TBC1D1: variants seen among roughly 807,000 people sequenced by gnomAD.
The protein encoded by TBC1D1 is TBC1 (tre-2/USP6, BUB2, cdc16) domain family, member 1.
Under a neutral mutation model 125.6 loss-of-function variants are expected in TBC1D1, and 89 were observed. The observed-to-expected ratio is 0.71, with a 90% CI of 0.60 to 0.85. The LOEUF is 0.85. TBC1D1 is among the 40% of genes least tolerant of loss of function. TBC1D1 has a pLI of 0.00. For missense variants in TBC1D1, 1,377 were observed against 1,469.2 expected, an observed-to-expected ratio of 0.94 and a Z score of 1.03; for synonymous variants, 565 against 564.1, an observed-to-expected ratio of 1.00 and a Z score of -0.02.
intron 2 of TBC1D1, among the ~76,000 whole-genome samples, chr4:38,008,046 A>C (rs1740705564): frequency 6.6e-6 from 1 of 152,234 alleles, no homozygotes; most frequent in Non-Finnish European, 1.5e-5. Context: ...CAGGGCTTGA[A>C]AATACTGGCC....
At chr4:38,087,443 A>G (rs1384800261) in intron 12 of TBC1D1, among the ~76,000 whole-genome samples, 1 of 152,184 alleles carries the variant, frequency 6.6e-6, no homozygotes, top group East Asian at 1.9e-4. Flanking sequence ...CACAGTAGGA[A>G]TTTTCAAGAC....
chr4:37,952,432 G>A (rs1235197210), intron 2 of TBC1D1: 1 of 237,060 alleles, frequency 4.2e-6, no homozygotes, highest in African/African-American at 2.3e-5. Flanking sequence ...TACACACCAT[G>A]GAATACTATG....
chr4:38,014,668 A>G lies in TBC1D1; in HGVS notation c.577A>G (p.Ile193Val), dbSNP rs147361950. 2.5e-6 allele frequency: 4 copies of G among 1,613,074 alleles called. No individual in the cohort carries two copies. Among genetic ancestry groups the G allele is most frequent in the African/African-American group, 1.3e-5 (1 of 74,908 alleles). The stretch of plus-strand genomic sequence containing the variant: ...GCACAAGAAGGCTCCGCCGGCCCTG[A>G]TCGACGAGTGCATCGAGAAGTTCAA... Residue 193 changes from isoleucine to valine, a missense_variant, in exon 3 of 20, where the codon ATC becomes GTC. Physicochemically the swap from Ile to Val is conservative, Grantham distance 29. Around this residue, in one of 3 missense-constraint regions of TBC1D1, gnomAD observed 822 missense variants for 824.6 expected, o/e 1.00. Coordinates refer to ENST00000261439, the MANE Select transcript of TBC1D1 (RefSeq NM_015173.4). The surrounding 1 kb of genome is among the most constrained non-coding windows in gnomAD (Gnocchi z 5.1).
intron 14 of TBC1D1, among the ~76,000 whole-genome samples, chr4:38,100,727 G>A (rs928464636): frequency 4.6e-5 from 7 of 152,036 alleles, no homozygotes; most frequent in African/African-American, 1.4e-4. Context: ...AAAATGATAC[G>A]TGAAAGGGAA....
At chr4:38,043,306 A>T (rs1316324661) in intron 8 of TBC1D1, among the ~76,000 whole-genome samples, 5 of 151,744 alleles carry the variant, frequency 3.3e-5, no homozygotes, top group Admixed American at 3.3e-4. Flanking sequence ...TAAAAAAAAA[A>T]TGTACCTTCG....
At chr4:38,106,754 CTT>C (rs961175571) in intron 15 of TBC1D1, among the ~76,000 whole-genome samples, 7 of 152,174 alleles carry the variant, frequency 4.6e-5, no homozygotes, top group African/African-American at 1.7e-4. Context: ...GATGTCATCA[CTT>C]TTCTGCAGAG....
chr4:37,956,364 C>T (rs1728932643), intron 2 of TBC1D1, among the ~76,000 whole-genome samples: 2 of 152,070 alleles, frequency 1.3e-5, no homozygotes, highest in Admixed American at 6.6e-5. Flanking sequence ...TTGTTTCATT[C>T]GTTGTCTGAC....
chr4:38,044,994 T>C (rs948906434), intron 9 of TBC1D1, among the ~76,000 whole-genome samples: 16 of 152,336 alleles, frequency 1.1e-4, no homozygotes, highest in Middle Eastern at 3.4e-3. Flanking sequence ...TAAGGCTTCT[T>C]TTTTGCAGAC....
At chr4:37,909,251 C>G (rs1041132931) in intron 2 of TBC1D1, among the ~76,000 whole-genome samples, 5 of 152,176 alleles carry the variant, frequency 3.3e-5, no homozygotes, top group African/African-American at 1.2e-4. Flanking sequence ...CAGTCTGAAG[C>G]TGTTTTCTTG....
intron 2 of TBC1D1, among the ~76,000 whole-genome samples, chr4:37,986,231 G>T (rs925490729): frequency 1.3e-5 from 2 of 152,068 alleles, no homozygotes; most frequent in Non-Finnish European, 2.9e-5. Flanking sequence ...TTCTACATGG[G>T]GAACTGACAC....
chr4:38,035,784 TGATACC>T, intron 8 of TBC1D1, 86 bp downstream of exon 8: 1 of 972,556 alleles, frequency 1.0e-6, no homozygotes, highest in Non-Finnish European at 1.6e-6. Flanking sequence ...TCTGAAACTC[TGATACC>T]TTTTTTTCTC....
intron 18 of TBC1D1, among the ~76,000 whole-genome samples, chr4:38,127,514 C>T (rs1221455329): frequency 6.6e-6 from 1 of 151,586 alleles, no homozygotes. Flanking sequence ...TTCCTGAGTA[C>T]CTGGGACTAT....
chr4:37,966,510 A>G (rs895230127), intron 2 of TBC1D1, among the ~76,000 whole-genome samples: 2 of 152,218 alleles, frequency 1.3e-5, no homozygotes, highest in South Asian at 2.1e-4. Flanking sequence ...TACATCTCCT[A>G]TCAAGGCCAA....
chr4:38,073,709 A>G (rs1578556765), intron 12 of TBC1D1, among the ~76,000 whole-genome samples: 1 of 152,226 alleles, frequency 6.6e-6, no homozygotes, highest in South Asian at 2.1e-4. Context: ...TGCCGGCATA[A>G]TGATAGCCCC....
At chr4:38,064,151 T>C (rs897888911) in intron 12 of TBC1D1, among the ~76,000 whole-genome samples, 1 of 152,248 alleles carries the variant, frequency 6.6e-6, no homozygotes, top group African/African-American at 2.4e-5. Flanking sequence ...TATGTCATAA[T>C]ACATACCAGT....
intron 18 of TBC1D1, among the ~76,000 whole-genome samples, chr4:38,128,699 G>A (rs552055659): frequency 1.2e-4 from 18 of 152,344 alleles, no homozygotes; most frequent in Non-Finnish European, 2.2e-4. Flanking sequence ...GCTGAAAGCA[G>A]CCAGAGAGGG....
intron 15 of TBC1D1, among the ~76,000 whole-genome samples, chr4:38,108,469 A>G (rs1761703450): frequency 6.6e-6 from 1 of 152,242 alleles, no homozygotes; most frequent in African/African-American, 2.4e-5. Flanking sequence ...TAATCTGCAT[A>G]TTATAGGTCA....
At chr4:38,008,602 G>C (rs1262189918) in intron 2 of TBC1D1, among the ~76,000 whole-genome samples, 1 of 152,132 alleles carries the variant, frequency 6.6e-6, no homozygotes, top group East Asian at 1.9e-4. Flanking sequence ...CCTGTGTCAG[G>C]GGCTAACAGT....
intron 2 of TBC1D1, among the ~76,000 whole-genome samples, chr4:37,970,744 A>G (rs956805952): frequency 3.3e-5 from 5 of 152,234 alleles, no homozygotes; most frequent in Non-Finnish European, 7.3e-5. Flanking sequence ...GCTTTCCAAA[A>G]TAGGTGCTAA....
Sources: gnomAD v4.1 joint callset for allele counts (sites outside exome capture counted in the v4.1 genomes callset) on GRCh38, gnomAD v4.1.1 for gene constraint, gnomAD v4.1.1 regional missense constraint, Gnocchi (gnomAD v3.1) non-coding constraint, MANE v1.5 for transcripts, NCBI Gene and HGNC (gene_info 2026-07-23, HGNC 2026-07-21) for gene names.